Variants in SLC22A23 observed in about 807,000 individuals in gnomAD.
The protein encoded by SLC22A23 is ion transporter protein.
In SLC22A23, 26 loss-of-function variants were observed where a neutral mutation model predicts 61.0. The ratio of observed to expected loss-of-function variants is 0.43; its 90% CI spans 0.31 to 0.59. The LOEUF (loss-of-function observed/expected upper bound fraction) is 0.59, where lower values mean the gene tolerates loss of function less well. Ranked by LOEUF, SLC22A23 falls within the 20% of genes least tolerant of loss-of-function variation. The pLI is 0.11. For missense variants in SLC22A23, 796 were observed against 934.7 expected (o/e 0.85, Z 1.94); for synonymous variants, 430 against 413.9 (o/e 1.04, Z -0.47).
intron 4 of SLC22A23, chr6:3,323,372 C>T (rs937474751): frequency 4.4e-6 from 2 of 457,244 alleles, no homozygotes; most frequent in Non-Finnish European, 4.4e-6. Flanking sequence ...TTTACAAAAA[C>T]AGACAGTGGG....
At chr6:3,435,836 A>T (rs917637485) in intron 1 of SLC22A23, among the ~76,000 whole-genome samples, 2 of 152,190 alleles carry the variant, frequency 1.3e-5, no homozygotes, top group Non-Finnish European at 2.9e-5. Context: ...GCCCTAATCC[A>T]AGGTGACTGG....
chr6:3,294,558 C>T (rs1561874916), intron 5 of SLC22A23, among the ~76,000 whole-genome samples: 3 of 152,216 alleles, frequency 2.0e-5, no homozygotes, highest in Non-Finnish European at 4.4e-5. Flanking sequence ...GGCACAGTGC[C>T]GTGTGTGGCA....
At chr6:3,400,179 A>G (rs76714428) in intron 3 of SLC22A23, among the ~76,000 whole-genome samples, 17,270 of 152,252 alleles carry the variant, frequency 0.11, 1,091 homozygotes, top group African/African-American at 0.14. Context: ...CGCCCCGCCC[A>G]TGATTGCATT....
At chr6:3,418,885 G>A (rs780409799) in intron 1 of SLC22A23, among the ~76,000 whole-genome samples, 12 of 152,320 alleles carry the variant, frequency 7.9e-5, no homozygotes, top group Admixed American at 6.5e-5. Flanking sequence ...CCATGGCACC[G>A]ACACCCTTGT....
chr6:3,404,659 A>T lies in SLC22A23; in HGVS notation c.913+5529T>A, dbSNP rs187393600. ...GCCCTGCCTAACTGGCCACCACAGC[A>T]TTCTCGCCTTCCCAGGGGTTGGAAC... is the stretch of plus-strand genomic sequence containing the variant. On this transcript the variant is annotated intron_variant, in intron 3 of 9. Coordinates refer to ENST00000406686, the MANE Select transcript of SLC22A23 (RefSeq NM_015482.2). Among the ~76,000 whole-genome samples, 242 of 152,220 alleles carry T rather than the reference A, an allele frequency of 1.6e-3. 1 individual carries two copies. Among genetic ancestry groups the T allele is most frequent in the Admixed American group, 3.6e-3 (55 of 15,290 alleles).
chr6:3,360,059 G>A lies in SLC22A23; in HGVS notation c.914-36057C>T, dbSNP rs143846007. ...TCCACTTAAATAGGTTCTTAGGTAG[G>A]CAAATTCATAGAAACAGAAAGTAGA... On this transcript the variant is annotated intron_variant, in intron 3 of 9. Transcript: ENST00000406686. The surrounding 1 kb of genome is among the most constrained non-coding windows in gnomAD (Gnocchi z 4.6). 6.6e-6 allele frequency among the ~76,000 whole-genome samples: 1 copy of A among 152,086 alleles called. No individual in the cohort carries two copies. The highest frequency in any genetic ancestry group is 2.1e-4 in the South Asian group (1 of 4,818).
intron 4 of SLC22A23, chr6:3,311,526 T>C (rs983152085): frequency 4.6e-5 from 7 of 152,312 alleles, no homozygotes; most frequent in Admixed American, 3.3e-4. Flanking sequence ...TCCACTTGGA[T>C]TTTTTAAACG....
At chr6:3,406,191 C>T (rs1314865204) in intron 3 of SLC22A23, among the ~76,000 whole-genome samples, 1 of 152,098 alleles carries the variant, frequency 6.6e-6, no homozygotes, top group Non-Finnish European at 1.5e-5. Flanking sequence ...TTAGAAGAGA[C>T]ACTTTTAAAC....
chr6:3,401,493 T>C (rs1293013966), intron 3 of SLC22A23, among the ~76,000 whole-genome samples: 1 of 152,234 alleles, frequency 6.6e-6, no homozygotes, highest in Non-Finnish European at 1.5e-5. Context: ...GAGGCATACA[T>C]AAATTAAAAC....
chr6:3,334,100 T>C (rs1763720684), intron 3 of SLC22A23, among the ~76,000 whole-genome samples: 2 of 152,228 alleles, frequency 1.3e-5, no homozygotes, highest in African/African-American at 2.4e-5. Flanking sequence ...AAAGCTAAGC[T>C]GCTTTAGAGT....
At chr6:3,438,298 G>T (rs865819926) in intron 1 of SLC22A23, among the ~76,000 whole-genome samples, 3 of 152,358 alleles carry the variant, frequency 2.0e-5, no homozygotes, top group Non-Finnish European at 4.4e-5. Context: ...ACCCAAGGGG[G>T]CCCCGGCCAG....
chr6:3,443,622 G>A lies in SLC22A23; in HGVS notation c.654+12284C>T, dbSNP rs201688244. Among the ~76,000 whole-genome samples the A allele has an allele frequency of 8.5e-5, 13 of 152,254 alleles. No individual in the cohort carries two copies. The East Asian group carries it at 2.5e-3, about 29-fold the overall frequency. On this transcript the variant is annotated intron_variant, in intron 1 of 9. Transcript: ENST00000406686. ...CCTCAATTAATTGCCAGAAACATCT[G>A]CCTATAACCCCTTCCACCCCAGCTT...
intron 3 of SLC22A23, among the ~76,000 whole-genome samples, chr6:3,402,244 T>C (rs1414773525): frequency 6.6e-6 from 1 of 152,170 alleles, no homozygotes; most frequent in Non-Finnish European, 1.5e-5. Context: ...CTTTTCCTCT[T>C]TGGCCTGCTC....
At chr6:3,287,184 G>A (rs1760097117) in intron 6 of SLC22A23, 93 bp from the exon 7 acceptor site, 1 of 1,171,344 alleles carries the variant, frequency 8.5e-7, no homozygotes. Flanking sequence ...GTGACCAGGA[G>A]ATGAAGAAGC....
chr6:3,334,409 C>T (rs1763739237), intron 3 of SLC22A23, among the ~76,000 whole-genome samples: 1 of 152,224 alleles, frequency 6.6e-6, no homozygotes. Flanking sequence ...GATTCACCCG[C>T]CTCGGCCTCC....
chr6:3,355,508 T>C (rs994164324), intron 3 of SLC22A23, among the ~76,000 whole-genome samples: 5 of 152,240 alleles, frequency 3.3e-5, no homozygotes, highest in East Asian at 1.9e-4. Context: ...CCTCTTACCA[T>C]GTGTATAAGA....
At chr6:3,367,737 C>A (rs1765928595) in intron 3 of SLC22A23, among the ~76,000 whole-genome samples, 1 of 152,114 alleles carries the variant, frequency 6.6e-6, no homozygotes, top group Admixed American at 6.5e-5. Flanking sequence ...TGGAAGAACT[C>A]CTAACTATTT....
At chr6:3,362,436 T>TAAAAAAAAAAAAAAAAAA (rs1561925525) in intron 3 of SLC22A23, among the ~76,000 whole-genome samples, 1 of 60,594 alleles carries the variant, frequency 1.7e-5, no homozygotes. Flanking sequence ...AAATAAAAAA[T>TAAAAAAAAAAAAAAAAAA]AAAAATTAGC....
At chr6:3,423,270 G>A (rs1312997685) in intron 1 of SLC22A23, among the ~76,000 whole-genome samples, 2 of 148,198 alleles carry the variant, frequency 1.3e-5, no homozygotes, top group African/African-American at 2.4e-5. Flanking sequence ...ATCTCTGAGG[G>A]AAAAATACAA....
Sources: allele counts gnomAD v4.1 joint callset (sites outside exome capture counted in the v4.1 genomes callset), GRCh38; gene constraint gnomAD v4.1.1; non-coding constraint Gnocchi (gnomAD v3.1); transcripts MANE v1.5; gene names NCBI Gene and HGNC (gene_info 2026-07-23, HGNC 2026-07-21).